The following FOXK2 variants were observed in gnomAD, a reference collection of about 807,000 sequenced individuals.
FOXK2 encodes the protein forkhead box protein K2.
FOXK2 carries 24 observed loss-of-function variants against 53.3 expected under a neutral mutation model. That is an observed-to-expected ratio of 0.45 (90% CI 0.33 to 0.63). FOXK2 has a LOEUF of 0.63. Ranked by LOEUF, FOXK2 falls within the 30% of genes least tolerant of loss-of-function variation. The probability of loss-of-function intolerance (pLI) is 0.03; values close to 1 mark genes in which losing one functional copy is unlikely to be tolerated. For synonymous variants in FOXK2, 505 were observed against 407.1 expected (o/e 1.24, Z -2.89); for missense variants, 952 against 910.5 (o/e 1.05, Z -0.59).
rs988386095 is a variant in FOXK2, at chr17:82,520,637, C to T, written c.419+330C>T. On this transcript the variant is annotated intron_variant, in intron 1 of 8. Transcript: ENST00000335255. The stretch of plus-strand genomic sequence containing the variant: ...GTTCACGTGTGCTGTTTCTATTCTG[C>T]AGCGAGGTCGCGCTGAACAGAAATG... Among the ~76,000 whole-genome samples, 12 of 152,228 alleles carry T rather than the reference C, an allele frequency of 7.9e-5. 1 individual carries two copies. Among genetic ancestry groups the T allele is most frequent in the African/African-American group, 2.4e-4 (10 of 41,450 alleles).
At chr17:82,561,901 C>T (rs1253577161) in intron 1 of FOXK2, among the ~76,000 whole-genome samples, 10 of 17,958 alleles carry the variant, frequency 5.6e-4, no homozygotes, top group South Asian at 5.1e-3. Flanking sequence ...GAGTCTTCCT[C>T]TGTTGGGGGG....
chr17:82,594,476 C>T (rs1185158903), intron 8 of FOXK2, among the ~76,000 whole-genome samples: 5 of 133,432 alleles, frequency 3.7e-5, no homozygotes, highest in African/African-American at 8.9e-5. Flanking sequence ...CCCGCCTGGG[C>T]GACAGAGCGA....
intron 8 of FOXK2, among the ~76,000 whole-genome samples, chr17:82,594,446 T>C (rs368234865): frequency 2.1e-5 from 3 of 142,044 alleles, no homozygotes; most frequent in African/African-American, 5.3e-5. Flanking sequence ...TGCAGTGAGC[T>C]GAGATCGCGC....
At chr17:82,575,984 TCG>T in intron 4 of FOXK2, among the ~76,000 whole-genome samples, 1 of 88,408 alleles carries the variant, frequency 1.1e-5, no homozygotes, top group East Asian at 4.6e-4. Flanking sequence ...GGCGGCGGGT[TCG>T]TCCACACGTC....
chr17:82,563,336 T>C lies in FOXK2; in HGVS notation c.420-18T>C. ...CTGGAACAGCAAAAGGTGCTGATGG[T>C]GGGCTTTTCTTTTCCAGGTGCACAT... On this transcript the variant is annotated intron_variant, in intron 1 of 8. Transcript: ENST00000335255. 3 of 1,605,712 alleles carry C rather than the reference T, an allele frequency of 1.9e-6. No homozygotes were observed. Among genetic ancestry groups the C allele is most frequent in the Non-Finnish European group, 2.6e-6 (3 of 1,175,762 alleles).
intron 4 of FOXK2, among the ~76,000 whole-genome samples, 159 bp from the exon 5 acceptor site, chr17:82,582,581 AG>A (rs2045077260): frequency 6.6e-6 from 1 of 152,214 alleles, no homozygotes; most frequent in Non-Finnish European, 1.5e-5. Context: ...TTATGTTGTC[AG>A]CACATTACTT....
chr17:82,528,412 T>G (rs1444674898), intron 1 of FOXK2, among the ~76,000 whole-genome samples: 1 of 152,198 alleles, frequency 6.6e-6, no homozygotes, highest in Non-Finnish European at 1.5e-5. Flanking sequence ...TTCTTATCTG[T>G]TTAACATTTT....
At chr17:82,530,751 T>G (rs2044466057) in intron 1 of FOXK2, among the ~76,000 whole-genome samples, 1 of 152,114 alleles carries the variant, frequency 6.6e-6, no homozygotes, top group African/African-American at 2.4e-5. Context: ...TGCAGGTGAT[T>G]CCCCTGTCTT....
chr17:82,540,541 T>C (rs1403766500), intron 1 of FOXK2, among the ~76,000 whole-genome samples: 2 of 152,160 alleles, frequency 1.3e-5, no homozygotes, highest in African/African-American at 4.8e-5. Context: ...TGTCTACTCA[T>C]GCCCCTGTCT....
At position 82,602,107 on chromosome 17, in the gene FOXK2, A is replaced by G. The variant is rs1322868938; in HGVS notation, c.*608A>G. 1.3e-5 allele frequency: 2 copies of G among 152,364 alleles called. No homozygotes were observed. The highest frequency in any genetic ancestry group is 2.4e-5 in the African/African-American group (1 of 41,442). 9.4% of individuals were successfully genotyped at this position (152,364 alleles called of 1,614,324 possible). A position where few individuals can be genotyped will look rare whatever the true frequency, so the allele number is the denominator to read the frequency against. On this transcript the variant is annotated 3_prime_UTR_variant, in exon 9 of 9. Coordinates refer to ENST00000335255, the MANE Select transcript of FOXK2 (RefSeq NM_004514.4). ...CCTTTTGTCTGTCTTGTTCAAGTTC[A>G]GACGAAGCTACTCTGGCATCTGCAC...
intron 1 of FOXK2, among the ~76,000 whole-genome samples, chr17:82,530,916 C>A (rs1322938756): frequency 6.6e-6 from 1 of 152,062 alleles, no homozygotes; most frequent in Non-Finnish European, 1.5e-5. Flanking sequence ...TGTGTTTTTG[C>A]CATTTCTGAG....
chr17:82,600,046 G>A (rs1323721646), intron 8 of FOXK2: 1 of 152,688 alleles, frequency 6.5e-6, no homozygotes, highest in Non-Finnish European at 1.5e-5. Context: ...GGGGTGCTCT[G>A]AGTTGGTCTT....
At chr17:82,553,156 G>A (rs560699568) in intron 1 of FOXK2, among the ~76,000 whole-genome samples, 3 of 152,284 alleles carry the variant, frequency 2.0e-5, no homozygotes, top group South Asian at 4.1e-4. Flanking sequence ...GGCTGATCTC[G>A]AACTCCTGAG....
At position 82,601,678 on chromosome 17, in the gene FOXK2, C is replaced by T. The variant is rs879211507; in HGVS notation, c.*179C>T. On this transcript the variant is annotated 3_prime_UTR_variant, in exon 9 of 9. Transcript: ENST00000335255. ...AGACAGAAGTCACACTTGAACAAAA[C>T]CCACACACAACAAAACCTGATTTGG... The T allele has an allele frequency of 1.3e-4, 76 of 584,922 alleles. No individual in the cohort carries two copies. In the South Asian group the frequency reaches 1.8e-3, roughly 14 times the overall value. The allele number at this position is 584,922 out of a possible 1,614,324, so 36.2% of individuals were successfully genotyped here.
At chr17:82,589,793 C>T (rs2143146844) in intron 8 of FOXK2, among the ~76,000 whole-genome samples, 1 of 152,348 alleles carries the variant, frequency 6.6e-6, no homozygotes, top group Non-Finnish European at 1.5e-5. Context: ...CGCCTGTAAT[C>T]CCAGCACTTT....
intron 1 of FOXK2, chr17:82,559,592 TC>T (rs1344615685): frequency 4.7e-6 from 2 of 423,746 alleles, no homozygotes; most frequent in Non-Finnish European, 9.6e-6. Context: ...GGCTTTCAGA[TC>T]CTGCTGGAAC....
chr17:82,566,744 T>A (rs117589011), intron 2 of FOXK2, among the ~76,000 whole-genome samples: 1,973 of 152,292 alleles, frequency 0.013, 21 homozygotes, highest in Middle Eastern at 0.027. Flanking sequence ...TTTCTTTTCA[T>A]CCTGCGTTTC....
At chr17:82,539,732 A>C (rs952321175) in intron 1 of FOXK2, among the ~76,000 whole-genome samples, 2 of 152,136 alleles carry the variant, frequency 1.3e-5, no homozygotes, top group African/African-American at 4.8e-5. Flanking sequence ...TGGGAGGCTG[A>C]GGTGACTGGA....
chr17:82,596,380 T>C (rs1251666125), intron 8 of FOXK2, among the ~76,000 whole-genome samples: 4 of 80,216 alleles, frequency 5.0e-5, no homozygotes, highest in Non-Finnish European at 1.2e-4. Context: ...CCTCAGAGCT[T>C]GGTGTAGGGG....
Sources: gnomAD v4.1 joint callset for allele counts (sites outside exome capture counted in the v4.1 genomes callset) on GRCh38, gnomAD v4.1.1 for gene constraint, MANE v1.5 for transcripts, NCBI Gene and HGNC (gene_info 2026-07-23, HGNC 2026-07-21) for gene names.